Variants in RBFOX1 observed in about 807,000 individuals in gnomAD.
RBFOX1 encodes RNA binding protein fox-1 homolog 1.
Under a neutral mutation model 57.7 loss-of-function variants are expected in RBFOX1, and 8 were observed. The ratio of observed to expected loss-of-function variants is 0.14; its 90% CI spans 0.08 to 0.25. RBFOX1 has a LOEUF of 0.25. Ranked by LOEUF, RBFOX1 falls within the 10% of genes least tolerant of loss-of-function variation. The probability of loss-of-function intolerance (pLI) is 1.00; values close to 1 mark genes in which losing one functional copy is unlikely to be tolerated. For missense variants in RBFOX1, 611 were observed against 548.5 expected (o/e 1.11, Z -1.14); for synonymous variants, 326 against 222.4 (o/e 1.47, Z -4.15).
intron 1 of RBFOX1, among the ~76,000 whole-genome samples, chr16:6,149,692 T>C (rs533400057): frequency 1.2e-4 from 19 of 152,216 alleles, no homozygotes; most frequent in Non-Finnish European, 2.5e-4. Context: ...ACTGACACTT[T>C]ATACAGCCAC....
intron 3 of RBFOX1, among the ~76,000 whole-genome samples, chr16:5,666,711 C>G (rs2049856323): frequency 6.6e-6 from 1 of 152,150 alleles, no homozygotes. Flanking sequence ...CATCTTCCTC[C>G]CCATCTGTTT....
intron 4 of RBFOX1, among the ~76,000 whole-genome samples, chr16:7,347,768 C>T (rs2097044789): frequency 6.6e-6 from 1 of 152,152 alleles, no homozygotes; most frequent in South Asian, 2.1e-4. Context: ...GTGAACTATG[C>T]CCGAGACCCC....
At chr16:6,040,738 G>A (rs1238429697) in intron 1 of RBFOX1, among the ~76,000 whole-genome samples, 1 of 152,062 alleles carries the variant, frequency 6.6e-6, no homozygotes, top group African/African-American at 2.4e-5. Flanking sequence ...GGGATTACAG[G>A]CACCCACCAC....
chr16:7,111,428 T>C (rs2064750683), intron 4 of RBFOX1, among the ~76,000 whole-genome samples: 1 of 152,236 alleles, frequency 6.6e-6, no homozygotes, highest in Non-Finnish European at 1.5e-5. Context: ...CTTAGCTCTT[T>C]TAATAGCCTT....
intron 3 of RBFOX1, among the ~76,000 whole-genome samples, chr16:7,039,360 A>G (rs2045473792): frequency 6.6e-6 from 1 of 152,174 alleles, no homozygotes; most frequent in Non-Finnish European, 1.5e-5. Context: ...TACAGCAGAT[A>G]ATGGTCTTCC....
At chr16:6,977,060 A>T (rs148706647) in intron 3 of RBFOX1, among the ~76,000 whole-genome samples, 3 of 145,270 alleles carry the variant, frequency 2.1e-5, no homozygotes, top group Non-Finnish European at 3.0e-5. Context: ...ATCATGTATG[A>T]GATATACTTT....
rs573614242 is a variant in RBFOX1, at chr16:7,468,938, A to G, written c.28-49209A>G. On this transcript the variant is annotated intron_variant, in intron 4 of 15. Transcript: ENST00000550418. ...AGCCATGGTCCCAGCAAGGCTGAGT[A>G]ATTTTTTTTTTTTGAGGCAGAGTCT... Among the ~76,000 whole-genome samples the G allele has an allele frequency of 2.6e-5, 4 of 151,794 alleles. No individual in the cohort carries two copies. In the South Asian group the frequency reaches 8.4e-4, roughly 32 times the overall value.
intron 1 of RBFOX1, among the ~76,000 whole-genome samples, chr16:6,060,122 G>GTTTTTTGTT (rs1567355465): frequency 8.8e-6 from 1 of 114,208 alleles, no homozygotes; most frequent in Non-Finnish European, 1.7e-5. Flanking sequence ...TAGGATTAGG[G>GTTTTTTGTT]TTTTTTTTTT....
intron 1 of RBFOX1, among the ~76,000 whole-genome samples, chr16:6,119,698 C>T (rs1361966831): frequency 6.6e-6 from 1 of 152,054 alleles, no homozygotes; most frequent in Non-Finnish European, 1.5e-5. Flanking sequence ...CAAATCATTC[C>T]ACAGGGTATC....
At chr16:5,260,591 A>G (rs1026255894) in intron 1 of RBFOX1, 7 of 152,248 alleles carry the variant, frequency 4.6e-5, no homozygotes, top group African/African-American at 1.7e-4. Flanking sequence ...AAGATGTTTT[A>G]TATATATGTA....
intron 4 of RBFOX1, among the ~76,000 whole-genome samples, chr16:7,105,588 G>C (rs1399712787): frequency 1.3e-5 from 2 of 152,128 alleles, no homozygotes; most frequent in Admixed American, 1.3e-4. Context: ...GTTTGGTTTT[G>C]CATTCCTGAG....
intron 4 of RBFOX1, among the ~76,000 whole-genome samples, chr16:7,233,212 TC>T (rs1377505231): frequency 7.8e-6 from 1 of 127,420 alleles, no homozygotes; most frequent in Non-Finnish European, 1.6e-5. Flanking sequence ...GCTAAACTCA[TC>T]CTTTTTTTTT....
At chr16:5,581,138 G>C (rs982953078) in intron 2 of RBFOX1, among the ~76,000 whole-genome samples, 1 of 152,170 alleles carries the variant, frequency 6.6e-6, no homozygotes, top group African/African-American at 2.4e-5. Flanking sequence ...GGAGAAGGGG[G>C]CAGGGCTTTC....
intron 3 of RBFOX1, among the ~76,000 whole-genome samples, chr16:5,705,951 C>T (rs886221859): frequency 1.3e-5 from 2 of 152,102 alleles, no homozygotes; most frequent in Non-Finnish European, 2.9e-5. Flanking sequence ...TGCTCTGTTG[C>T]CCACGATGGA....
At chr16:5,715,894 T>C (rs114464334) in intron 3 of RBFOX1, among the ~76,000 whole-genome samples, 4,595 of 152,304 alleles carry the variant, frequency 0.03, 210 homozygotes, top group African/African-American at 0.1. Context: ...TGTTGAGTGG[T>C]GCAGTGTGCC....
intron 2 of RBFOX1, among the ~76,000 whole-genome samples, chr16:6,584,875 G>A (rs2097585031): frequency 6.6e-6 from 1 of 152,200 alleles, no homozygotes; most frequent in Admixed American, 6.5e-5. Flanking sequence ...CAAAAAATGA[G>A]ATGTCTGGTC....
chr16:6,671,662 C>T (rs997389561), intron 3 of RBFOX1, among the ~76,000 whole-genome samples: 37 of 152,164 alleles, frequency 2.4e-4, no homozygotes, highest in African/African-American at 7.5e-4. Flanking sequence ...ATCATTCTTA[C>T]GCCTTTGCAT....
chr16:5,702,611 G>A (rs1036704281), intron 3 of RBFOX1, among the ~76,000 whole-genome samples: 3 of 152,178 alleles, frequency 2.0e-5, no homozygotes, highest in Non-Finnish European at 4.4e-5. Flanking sequence ...GGTTGTTTTT[G>A]GACTTTGTTG....
Position 6,534,245 on chromosome 16 carries a change from A to T in RBFOX1, c.-63-120358A>T, listed in dbSNP as rs555430444. Reference sequence around the variant, plus strand: ...AAAAAGAAATGAATTGCTGACAAGGACATCAGTGTGTATGTGTGTGTGTGT... The same window carrying T: ...AAAAAGAAATGAATTGCTGACAAGGTCATCAGTGTGTATGTGTGTGTGTGT... On this transcript the variant is annotated intron_variant, in intron 2 of 15. Transcript: ENST00000550418. Among the ~76,000 whole-genome samples, 3 of 152,052 alleles carry T rather than the reference A, an allele frequency of 2.0e-5. No homozygotes were observed. In the East Asian group the frequency reaches 5.8e-4, roughly 29 times the overall value.
Sources: gnomAD v4.1 joint callset for allele counts (sites outside exome capture counted in the v4.1 genomes callset) on GRCh38, gnomAD v4.1.1 for gene constraint, MANE v1.5 for transcripts, NCBI Gene and HGNC (gene_info 2026-07-23, HGNC 2026-07-21) for gene names.